The following PRKAR1A variants were observed in gnomAD, a reference collection of about 807,000 sequenced individuals.
PRKAR1A encodes cAMP-dependent protein kinase type I-alpha regulatory subunit.
Under a neutral mutation model 52.0 loss-of-function variants are expected in PRKAR1A, and 3 were observed. That is an observed-to-expected ratio of 0.06 (90% CI 0.03 to 0.15). PRKAR1A has a LOEUF of 0.15. Among genes scored for constraint, PRKAR1A ranks in the 10% least tolerant of loss-of-function variants. PRKAR1A has a pLI of 1.00. For synonymous variants in PRKAR1A, 188 were observed against 168.4 expected (o/e 1.12, Z -0.90); for missense variants, 240 against 477.4 (o/e 0.50, Z 4.63).
the PRKAR1A span, among the ~76,000 whole-genome samples, chr17:68,500,758 C>A: frequency 5.3e-5 from 8 of 152,048 alleles, no homozygotes; most frequent in African/African-American, 1.9e-4. Context: ...CTCAGCTTAT[C>A]CACCCTCCTT....
chr17:68,426,127 T>C, the PRKAR1A span: 6 of 1,612,312 alleles, frequency 3.7e-6, no homozygotes, highest in African/African-American at 1.3e-5. Flanking sequence ...CGCAAACTCA[T>C]GTTCAGGAAT....
At chr17:68,458,836 A>G in the PRKAR1A span, among the ~76,000 whole-genome samples, 82 of 152,298 alleles carry the variant, frequency 5.4e-4, no homozygotes, top group African/African-American at 1.9e-3. Flanking sequence ...AGTCTCTCAA[A>G]TCAGCATAAT....
At chr17:68,433,780 T>TTTTTGTTTG in the PRKAR1A span, among the ~76,000 whole-genome samples, 1 of 126,016 alleles carries the variant, frequency 7.9e-6, no homozygotes, top group African/African-American at 3.2e-5. Flanking sequence ...TTTTTTTTTT[T>TTTTTGTTTG]TTTTTTTTTT....
chr17:68,544,722 C>T (rs557780895), intron 11 of PRKAR1A, among the ~76,000 whole-genome samples: 29 of 152,298 alleles, frequency 1.9e-4, no homozygotes, highest in Middle Eastern at 3.4e-3. Flanking sequence ...CACAACCCTC[C>T]GTGCTCAGGC....
In PRKAR1A at chr17:68,515,494, A is replaced by G. The variant is rs1176097601; in HGVS notation, c.95A>G (p.Lys32Arg). 5 of 1,613,374 alleles carry G rather than the reference A, an allele frequency of 3.1e-6. No individual in the cohort carries two copies. Among genetic ancestry groups the G allele is most frequent in the Non-Finnish European group, 4.2e-6 (5 of 1,180,054 alleles). Reference sequence around the variant, plus strand: ...AAGCATAACATTCAAGCGCTGCTCAAAGATTCTATTGTGCAGTTGTGCACT... The same window carrying G: ...AAGCATAACATTCAAGCGCTGCTCAGAGATTCTATTGTGCAGTTGTGCACT... The part of the protein sequence containing the change: ...VQKHNIQALL[K>R]DSIVQLCTAR... Residue 32 changes from lysine to arginine, a missense_variant, in exon 2 of 11, where the codon AAA (lysine) becomes AGA (arginine). Lys to Arg is a conservative substitution (Grantham distance 26). Coordinates refer to ENST00000589228, the MANE Select transcript of PRKAR1A (RefSeq NM_002734.5).
chr17:68,426,480 G>A, the PRKAR1A span, among the ~76,000 whole-genome samples: 2 of 152,102 alleles, frequency 1.3e-5, no homozygotes, highest in Admixed American at 1.3e-4. Context: ...GGATCCTTCT[G>A]CCTCAATTTA....
intron 11 of PRKAR1A, chr17:68,542,035 C>G: frequency 6.2e-7 from 1 of 1,614,100 alleles, no homozygotes; most frequent in Non-Finnish European, 8.5e-7. Flanking sequence ...TGGGCACAGA[C>G]AGCCTGGGGG....
chr17:68,544,802 A>C (rs1398929910), intron 11 of PRKAR1A, among the ~76,000 whole-genome samples: 1 of 152,170 alleles, frequency 6.6e-6, no homozygotes, highest in Non-Finnish European at 1.5e-5. Flanking sequence ...GTCTCATTTT[A>C]ATTCCTGAGT....
chr17:68,523,999 CCTT>C lies in PRKAR1A; in HGVS notation c.441-14_441-12del, dbSNP rs1555813501. ...GAGACATGTGAAATGTAACACGAGG[CCTT>C]CTCTCTTTTGCAGTGATATTTTTGA... On this transcript the variant is annotated splice_polypyrimidine_tract_variant and intron_variant, in intron 4 of 10. Coordinates refer to ENST00000589228, the MANE Select transcript of PRKAR1A (RefSeq NM_002734.5). The C allele has an allele frequency of 1.2e-6, 2 of 1,613,634 alleles. No homozygotes were observed. The highest frequency in any genetic ancestry group is 1.7e-6 in the Non-Finnish European group (2 of 1,179,628).
At chr17:68,523,587 G>A (rs1472692270) in intron 3 of PRKAR1A, 138 bp from the exon 4 acceptor site, 3 of 703,944 alleles carry the variant, frequency 4.3e-6, no homozygotes, top group African/African-American at 1.7e-5. Context: ...GATAGTACAA[G>A]TGTGTTGTAG....
At chr17:68,515,144 G>A (rs892003756) in intron 1 of PRKAR1A, 5 of 503,446 alleles carry the variant, frequency 9.9e-6, no homozygotes, top group Admixed American at 9.7e-5. Flanking sequence ...CTTCCTCCCA[G>A]GAGCTGAGGT....
At chr17:68,419,500 T>C in the PRKAR1A span, among the ~76,000 whole-genome samples, 1 of 152,116 alleles carries the variant, frequency 6.6e-6, no homozygotes, top group Admixed American at 6.5e-5. Flanking sequence ...TGCTTGAACC[T>C]GGGAGGCAGA....
chr17:68,535,154 A>G (rs2086065858), downstream of PRKAR1A: 6 of 401,540 alleles, frequency 1.5e-5, no homozygotes, highest in South Asian at 9.4e-5. Context: ...GGAGGTAAAC[A>G]GTTCAAAATG....
the PRKAR1A span, among the ~76,000 whole-genome samples, chr17:68,484,451 G>A: frequency 2.9e-5 from 4 of 138,570 alleles, no homozygotes; most frequent in Non-Finnish European, 6.3e-5. Context: ...CTCACTTATC[G>A]TGGTATCTTT....
At chr17:68,439,885 C>G in the PRKAR1A span, among the ~76,000 whole-genome samples, 3 of 152,162 alleles carry the variant, frequency 2.0e-5, no homozygotes, top group African/African-American at 7.2e-5. Flanking sequence ...TCTGAAAATA[C>G]TGGGCGTGTC....
chr17:68,540,512 C>G (rs1419938124), intron 11 of PRKAR1A: 2 of 481,952 alleles, frequency 4.1e-6, no homozygotes, highest in Middle Eastern at 3.1e-4. Context: ...GAGGCCCTCC[C>G]TGCTACATAT....
At position 68,531,230 on chromosome 17, in the gene PRKAR1A, C is replaced by A. The variant is rs1415834288; in HGVS notation, c.*781C>A. ...CCTCGGCTCACAAATTCCGATTAGA[C>A]CTTTATCCAGCTAGTGCCAAATAAT... On this transcript the variant is annotated 3_prime_UTR_variant, in exon 11 of 11. Coordinates refer to ENST00000589228, the MANE Select transcript of PRKAR1A (RefSeq NM_002734.5). 9.4e-7 allele frequency: 1 copy of A among 1,066,268 alleles called. No individual in the cohort carries two copies. The highest frequency in any genetic ancestry group is 1.6e-5 in the African/African-American group (1 of 61,106). 66.1% of individuals were successfully genotyped at this position (1,066,268 alleles called of 1,614,324 possible).
chr17:68,421,923 G>T, the PRKAR1A span: 5 of 1,466,686 alleles, frequency 3.4e-6, no homozygotes, highest in Non-Finnish European at 9.5e-7. Flanking sequence ...GCAGGGAGAG[G>T]CTGGGCACTG....
chr17:68,475,937 A>G, the PRKAR1A span, among the ~76,000 whole-genome samples: 1 of 152,088 alleles, frequency 6.6e-6, no homozygotes, highest in Non-Finnish European at 1.5e-5. Context: ...AGTTGATTTC[A>G]AATTTTGCAG....
Sources: gnomAD v4.1 joint callset for allele counts (sites outside exome capture counted in the v4.1 genomes callset) on GRCh38, gnomAD v4.1.1 for gene constraint, MANE v1.5 for transcripts, NCBI Gene and HGNC (gene_info 2026-07-23, HGNC 2026-07-21) for gene names.